Variants in PCNP observed in about 807,000 individuals in gnomAD.
PCNP encodes PEST proteolytic signal-containing nuclear protein.
In PCNP, 6 loss-of-function variants were observed where a neutral mutation model predicts 21.8. The ratio of observed to expected loss-of-function variants is 0.28; its 90% CI spans 0.15 to 0.54. The LOEUF (loss-of-function observed/expected upper bound fraction) is 0.54. Among genes scored for constraint, PCNP ranks in the 20% least tolerant of loss-of-function variants. The probability of loss-of-function intolerance (pLI) is 0.95; values close to 1 mark genes in which losing one functional copy is unlikely to be tolerated. For synonymous variants in PCNP, 67 were observed against 73.2 expected (o/e 0.92, Z 0.43); for missense variants, 161 against 215.5 (o/e 0.75, Z 1.58).
At chr3:101,576,263 T>G (rs1481195622) in intron 1 of PCNP, among the ~76,000 whole-genome samples, 1 of 147,126 alleles carries the variant, frequency 6.8e-6, no homozygotes, top group East Asian at 2.0e-4. Flanking sequence ...TTTTTTGAGA[T>G]GGAGCTCTGT....
chr3:101,591,690 C>G (rs1935815493), intron 4 of PCNP, among the ~76,000 whole-genome samples: 1 of 150,284 alleles, frequency 6.7e-6, no homozygotes, highest in Non-Finnish European at 1.5e-5. Flanking sequence ...TGGTGGCCAG[C>G]TATCACATTG....
chr3:101,574,099 C>G, upstream of PCNP: 1 of 1,413,702 alleles, frequency 7.1e-7, no homozygotes, highest in Non-Finnish European at 9.3e-7. Flanking sequence ...GGCCTCTTTT[C>G]ATTCCTCGGG....
At chr3:101,586,497 T>G (rs1212422064) in intron 3 of PCNP, among the ~76,000 whole-genome samples, 3 of 141,954 alleles carry the variant, frequency 2.1e-5, no homozygotes, top group Non-Finnish European at 4.7e-5. Context: ...AATAAGTGTT[T>G]CAGGATACAT....
chr3:101,592,561 A>T (rs986214916), intron 4 of PCNP, 66 bp from the exon 5 acceptor site: 1 of 1,308,968 alleles, frequency 7.6e-7, no homozygotes, highest in South Asian at 1.4e-5. Context: ...GTATTGAATG[A>T]ATCAAAATCA....
Position 101,594,144 on chromosome 3 carries a change from A to G in PCNP, c.*1391A>G, listed in dbSNP as rs1935945977. ...AGAGAAGCAGCCTGTGTATATTCCT[A>G]ACACTTTGTTCACTAGCATTTAAGT... On this transcript the variant is annotated 3_prime_UTR_variant, in exon 5 of 5. Coordinates refer to ENST00000265260, the MANE Select transcript of PCNP (RefSeq NM_020357.3). 6.6e-6 allele frequency: 1 copy of G among 152,480 alleles called. No individual in the cohort carries two copies. The highest frequency in any genetic ancestry group is 1.5e-5 in the Non-Finnish European group (1 of 68,024). The allele number at this position is 152,480 out of a possible 1,614,324, so 9.4% of individuals were successfully genotyped here.
intron 1 of PCNP, chr3:101,576,615 C>T (rs1187082107): frequency 6.2e-7 from 1 of 1,611,324 alleles, no homozygotes; most frequent in Non-Finnish European, 8.5e-7. Flanking sequence ...TCAGTCGCTC[C>T]AGGTCTTCAC....
At chr3:101,576,747 C>G in intron 1 of PCNP, 1 of 1,611,590 alleles carries the variant, frequency 6.2e-7, no homozygotes, top group Non-Finnish European at 8.5e-7. Context: ...TAACGGTGAT[C>G]ACACGTTCCA....
At chr3:101,586,603 G>GAGAGAGAGAGAGAGAGAGTTTCTTGTTTC (rs1935539508) in intron 3 of PCNP, among the ~76,000 whole-genome samples, 17 of 136,500 alleles carry the variant, frequency 1.2e-4, no homozygotes, top group South Asian at 2.2e-4. Context: ...TCTTGTTTCA[G>GAGAGAGAGAGAGAGAGAGTTTCTTGTTTC]AGAGAGAGAG....
At chr3:101,576,787 T>C (rs777193835) in intron 1 of PCNP, 1 of 1,611,510 alleles carries the variant, frequency 6.2e-7, no homozygotes, top group East Asian at 2.2e-5. Context: ...TCCCGCCCTC[T>C]TGGTGAGGTC....
intron 1 of PCNP, among the ~76,000 whole-genome samples, chr3:101,575,856 G>T (rs1230903464): frequency 6.6e-6 from 1 of 152,218 alleles, no homozygotes; most frequent in East Asian, 1.9e-4. Flanking sequence ...TTCCATTTTA[G>T]CATGTGGGGA....
rs937609791 is a variant in PCNP at position 101,593,795 on chromosome 3, A to G, written c.*1042A>G. ...TATGGTTTATTTTAAATGCGTACATATTGACCAATGGCCTCTGAAAAAGCA... is the reference window on the plus strand; with the variant it reads ...TATGGTTTATTTTAAATGCGTACATGTTGACCAATGGCCTCTGAAAAAGCA... On this transcript the variant is annotated 3_prime_UTR_variant, in exon 5 of 5. Transcript: ENST00000265260. The G allele has an allele frequency of 6.6e-6, 1 of 152,634 alleles. No homozygotes were observed. Among genetic ancestry groups the G allele is most frequent in the Non-Finnish European group, 1.5e-5 (1 of 68,026 alleles). The allele number at this position is 152,634 out of a possible 1,614,324, so 9.5% of individuals were successfully genotyped here. A position where few individuals can be genotyped will look rare whatever the true frequency, so the allele number is the denominator to read the frequency against.
intron 1 of PCNP, chr3:101,576,518 G>A (rs930963038): frequency 3.1e-6 from 5 of 1,609,742 alleles, no homozygotes; most frequent in African/African-American, 2.7e-5. Context: ...CCCACGGTGC[G>A]GCCACGGCGG....
intron 3 of PCNP, 22 bp from the exon 4 acceptor site, chr3:101,590,193 G>T (rs1447568375): frequency 1.4e-6 from 2 of 1,417,866 alleles, no homozygotes; most frequent in Admixed American, 3.4e-5. Context: ...AGTTATCTTG[G>T]TTTACTTACT....
At chr3:101,586,545 CGTGTGTGTGTGT>C (rs377617517) in intron 3 of PCNP, among the ~76,000 whole-genome samples, 3 of 99,826 alleles carry the variant, frequency 3.0e-5, no homozygotes, top group South Asian at 4.0e-4. Flanking sequence ...GGCGTATATT[CGTGTGTGTGTGT>C]GTGTGTGTGT....
rs1434044642 is a variant in PCNP at position 101,593,923 on chromosome 3, T to G, written c.*1170T>G. On this transcript the variant is annotated 3_prime_UTR_variant, in exon 5 of 5. Transcript: ENST00000265260. ...AGATTTGTGTATTGTAGGGTGTTTG[T>G]TTTGTATTTTTGTATTGTATATGAA... 1 of 152,644 alleles carries G rather than the reference T, an allele frequency of 6.6e-6. No individual in the cohort carries two copies. The highest frequency in any genetic ancestry group is 6.5e-5 in the Admixed American group (1 of 15,276). The allele number at this position is 152,644 out of a possible 1,614,324, so 9.5% of individuals were successfully genotyped here. A position where few individuals can be genotyped will look rare whatever the true frequency, so the allele number is the denominator to read the frequency against.
At chr3:101,591,726 C>T (rs1041467816) in intron 4 of PCNP, among the ~76,000 whole-genome samples, 2 of 149,796 alleles carry the variant, frequency 1.3e-5, no homozygotes, top group Admixed American at 6.7e-5. Context: ...TAATGGATTA[C>T]AGGCAACAGG....
chr3:101,588,132 G>C (rs560634520), intron 3 of PCNP, among the ~76,000 whole-genome samples: 23 of 152,236 alleles, frequency 1.5e-4, no homozygotes, highest in Non-Finnish European at 2.6e-4. Context: ...TTAGCTGGGC[G>C]TGGTGGCATA....
At chr3:101,586,622 T>TTTCTTGTTTCAGAGAGAGA (rs1935541759) in intron 3 of PCNP, among the ~76,000 whole-genome samples, 1 of 134,616 alleles carries the variant, frequency 7.4e-6, no homozygotes, top group African/African-American at 2.7e-5. Flanking sequence ...AGAGAGAGAG[T>TTTCTTGTTTCAGAGAGAGA]GTGTCTTGCT....
intron 2 of PCNP, among the ~76,000 whole-genome samples, chr3:101,584,866 T>C (rs984676118): frequency 1.4e-4 from 22 of 152,204 alleles, no homozygotes; most frequent in Non-Finnish European, 2.4e-4. Flanking sequence ...TCTCTGGGCA[T>C]GGTGGCACAC....
Sources: allele counts gnomAD v4.1 joint callset (sites outside exome capture counted in the v4.1 genomes callset), GRCh38; gene constraint gnomAD v4.1.1; transcripts MANE v1.5; gene names NCBI Gene and HGNC (gene_info 2026-07-23, HGNC 2026-07-21).